C2orf80: variants seen among roughly 807,000 people sequenced by gnomAD.
C2orf80 encodes the protein chromosome 2 open reading frame 80.
In C2orf80, 28 loss-of-function variants were observed where a neutral mutation model predicts 30.2. That is an observed-to-expected ratio of 0.93 (90% confidence interval 0.69 to 1.27). The LOEUF is 1.27. C2orf80 is among the 50% of genes most tolerant of loss of function. The pLI is 0.00. For synonymous variants in C2orf80, 80 were observed against 76.4 expected (o/e 1.05, Z -0.24); for missense variants, 220 against 231.0 (o/e 0.95, Z 0.31).
At chr2:208,184,869 AT>A in intron 3 of C2orf80, 81 bp downstream of exon 3, 1 of 1,138,516 alleles carries the variant, frequency 8.8e-7, no homozygotes, top group Middle Eastern at 2.1e-4. Context: ...AGCCTTGTTT[AT>A]TGTATAAATA....
intron 6 of C2orf80, among the ~76,000 whole-genome samples, chr2:208,173,452 G>A (rs11894097): frequency 0.072 from 10,945 of 151,968 alleles, 1,205 homozygotes; most frequent in African/African-American, 0.24. Context: ...GTGAAAACCC[G>A]TGTCTACTAA....
intron 8 of C2orf80, among the ~76,000 whole-genome samples, chr2:208,166,360 G>A (rs546775077): frequency 3.2e-4 from 49 of 152,054 alleles, no homozygotes; most frequent in Non-Finnish European, 6.0e-4. Flanking sequence ...CTGTATAAAA[G>A]GAATACGTGG....
intron 6 of C2orf80, among the ~76,000 whole-genome samples, chr2:208,176,943 GTATACATATCTGTATACATATGTATA>G (rs1696344372): frequency 1.1e-5 from 1 of 87,652 alleles, no homozygotes; most frequent in Non-Finnish European, 2.6e-5. Flanking sequence ...ATACATATCT[GTATACATATCTGTATACATATGTATA>G]CATATATACA....
intron 6 of C2orf80, among the ~76,000 whole-genome samples, chr2:208,178,161 A>G (rs1345671025): frequency 6.6e-6 from 1 of 152,092 alleles, no homozygotes; most frequent in African/African-American, 2.4e-5. Flanking sequence ...AGCTACTCAG[A>G]CACCCATGTT....
At chr2:208,175,216 G>T (rs1042043729) in intron 6 of C2orf80, among the ~76,000 whole-genome samples, 4 of 44,998 alleles carry the variant, frequency 8.9e-5, no homozygotes, top group African/African-American at 1.8e-4. Flanking sequence ...AACCCCGGGG[G>T]GGGGGGGGGC....
intron 1 of C2orf80, 68 bp downstream of exon 1, chr2:208,189,885 G>T: frequency 2.9e-6 from 2 of 701,198 alleles, no homozygotes; most frequent in East Asian, 2.7e-5. Flanking sequence ...TGCAATCGTG[G>T]TACAGGTCTC....
At chr2:208,174,986 T>A (rs1208311921) in intron 6 of C2orf80, among the ~76,000 whole-genome samples, 1 of 152,096 alleles carries the variant, frequency 6.6e-6, no homozygotes, top group Non-Finnish European at 1.5e-5. Context: ...CAGGTTAAAA[T>A]CGAATAAGAC....
At position 208,180,732 on chromosome 2, in the gene C2orf80, A is replaced by G. The variant is rs749229321; in HGVS notation, c.366+13T>C. On this transcript the variant is annotated intron_variant, in intron 6 of 8. Coordinates refer to ENST00000341287, the MANE Select transcript of C2orf80 (RefSeq NM_001099334.3). ...AAAAATCCCTTCTATTGACAATCCC[A>G]GGTCACCCTTACCTTGATGGTACCA... 1.2e-6 allele frequency: 2 copies of G among 1,606,070 alleles called. No homozygotes were observed. The highest frequency in any genetic ancestry group is 1.7e-6 in the Non-Finnish European group (2 of 1,175,062).
intron 6 of C2orf80, among the ~76,000 whole-genome samples, chr2:208,178,043 C>T (rs1398702230): frequency 6.6e-6 from 1 of 151,942 alleles, no homozygotes; most frequent in Non-Finnish European, 1.5e-5. Context: ...GTCTCAAACT[C>T]CTGACCTCAG....
At chr2:208,174,407 G>T (rs1302457737) in intron 6 of C2orf80, among the ~76,000 whole-genome samples, 1 of 152,202 alleles carries the variant, frequency 6.6e-6, no homozygotes, top group Admixed American at 6.5e-5. Context: ...AAGTGTGAGA[G>T]GGTGGAAGCC....
intron 1 of C2orf80, among the ~76,000 whole-genome samples, chr2:208,187,529 T>C (rs185477243): frequency 1.3e-3 from 193 of 152,196 alleles, no homozygotes; most frequent in Middle Eastern, 6.8e-3. Context: ...AAAGAAAATA[T>C]GGTTATGGGA....
intron 6 of C2orf80, among the ~76,000 whole-genome samples, chr2:208,177,455 C>T (rs1241287878): frequency 6.6e-6 from 1 of 152,004 alleles, no homozygotes; most frequent in Non-Finnish European, 1.5e-5. Flanking sequence ...GCAGGAGAAT[C>T]ACTTGAACCC....
rs1696605050 is a variant in C2orf80 at position 208,182,972 on chromosome 2, C to T, written c.199G>A (p.Glu67Lys). ...AAACCTACTTCAACTTACAGTTCCT[C>T]CCACTCCAGCCAAGTTAAGTCTTCT... ...PSEDLTWLEW[E>K]ELKIPLHGRP... The change falls in exon 4 of 9, where the codon GAG (glutamate) becomes AAG (lysine). Residue 67 changes from glutamate (E) to lysine (K), a missense_variant. Physicochemically the swap from Glu to Lys is moderately conservative, Grantham distance 56. Coordinates refer to ENST00000341287, the MANE Select transcript of C2orf80 (RefSeq NM_001099334.3). The T allele has an allele frequency of 1.2e-6, 2 of 1,613,050 alleles. No homozygotes were observed. The highest frequency in any genetic ancestry group is 2.2e-5 in the East Asian group (1 of 44,896).
chr2:208,184,178 G>GC (rs11447127), intron 3 of C2orf80, among the ~76,000 whole-genome samples: 21,682 of 151,990 alleles, frequency 0.14, 1,707 homozygotes, highest in South Asian at 0.21. Flanking sequence ...CCGCGGGGGC[G>GC]CCCCCCTCAC....
intron 8 of C2orf80, chr2:208,168,401 C>A: frequency 3.3e-6 from 1 of 304,508 alleles, no homozygotes; most frequent in Non-Finnish European, 6.3e-6. Context: ...GGGCCGGGCG[C>A]GGTGGCTCAA....
intron 2 of C2orf80, among the ~76,000 whole-genome samples, chr2:208,186,701 A>G (rs1397912611): frequency 1.3e-5 from 2 of 152,152 alleles, no homozygotes; most frequent in Non-Finnish European, 2.9e-5. Context: ...TAGAATGTGG[A>G]TGCCTCGGAT....
chr2:208,179,007 C>A (rs1363196703), intron 6 of C2orf80, among the ~76,000 whole-genome samples: 1 of 152,138 alleles, frequency 6.6e-6, no homozygotes, highest in African/African-American at 2.4e-5. Context: ...GATCCACCCA[C>A]CTTGGCCTCC....
At chr2:208,182,594 T>C (rs1696593120) in intron 4 of C2orf80, among the ~76,000 whole-genome samples, 1 of 152,058 alleles carries the variant, frequency 6.6e-6, no homozygotes, top group African/African-American at 2.4e-5. Context: ...AGAGGCGAGG[T>C]TTTACCATAT....
intron 6 of C2orf80, among the ~76,000 whole-genome samples, chr2:208,179,475 G>A (rs946189549): frequency 1.3e-5 from 2 of 152,208 alleles, no homozygotes; most frequent in African/African-American, 4.8e-5. Context: ...GCCACAGTGT[G>A]AGCAGAAGAC....
Sources: allele counts gnomAD v4.1 joint callset (sites outside exome capture counted in the v4.1 genomes callset), GRCh38; gene constraint gnomAD v4.1.1; transcripts MANE v1.5; gene names NCBI Gene and HGNC (gene_info 2026-07-23, HGNC 2026-07-21).